Variants in CNOT2 observed in about 807,000 individuals in gnomAD.
CNOT2 encodes CCR4-NOT transcription complex subunit 2.
In CNOT2, 7 loss-of-function variants were observed where a neutral mutation model predicts 72.1. The observed-to-expected ratio is 0.10, with a 90% confidence interval of 0.06 to 0.18. The LOEUF (loss-of-function observed/expected upper bound fraction) is 0.18, where lower values mean the gene tolerates loss of function less well. Among genes scored for constraint, CNOT2 ranks in the 10% least tolerant of loss-of-function variants. CNOT2 has a pLI of 1.00. For synonymous variants in CNOT2, 196 were observed against 225.6 expected, an observed-to-expected ratio of 0.87 and a Z score of 1.17; for missense variants, 345 against 660.3, an observed-to-expected ratio of 0.52 and a Z score of 5.23.
At chr12:70,343,285 G>A (rs1033579185) in intron 13 of CNOT2, among the ~76,000 whole-genome samples, 1 of 152,192 alleles carries the variant, frequency 6.6e-6, no homozygotes, top group African/African-American at 2.4e-5. Context: ...ATTACATTCA[G>A]AGAATGTGTA....
intron 2 of CNOT2, among the ~76,000 whole-genome samples, chr12:70,282,745 T>G (rs981048212): frequency 4.6e-5 from 7 of 152,256 alleles, no homozygotes; most frequent in African/African-American, 1.7e-4. Context: ...TTTCATTCTT[T>G]ATATTTTTAT....
chr12:70,335,381 T>C (rs911607034), intron 7 of CNOT2, 57 bp from the exon 8 acceptor site: 13 of 1,328,350 alleles, frequency 9.8e-6, no homozygotes, highest in Non-Finnish European at 1.3e-5. Flanking sequence ...TTGGTTTTTA[T>C]AATCTCTTAA....
intron 4 of CNOT2, 35 bp from the exon 5 acceptor site, chr12:70,329,388 G>A: frequency 1.3e-6 from 2 of 1,563,948 alleles, no homozygotes; most frequent in South Asian, 1.1e-5. Flanking sequence ...ATTCCTGATG[G>A]CAATGAATTT....
intron 2 of CNOT2, among the ~76,000 whole-genome samples, chr12:70,299,136 G>A (rs74809484): frequency 0.14 from 21,872 of 152,006 alleles, 1,904 homozygotes; most frequent in Admixed American, 0.28. Flanking sequence ...GAGCAGTCAC[G>A]TCTCACATGG....
At chr12:70,280,815 A>C (rs1869684782) in intron 2 of CNOT2, among the ~76,000 whole-genome samples, 1 of 152,154 alleles carries the variant, frequency 6.6e-6, no homozygotes, top group Non-Finnish European at 1.5e-5. Flanking sequence ...CTATAAGTTT[A>C]AGCCCAGTTA....
intron 1 of CNOT2, among the ~76,000 whole-genome samples, chr12:70,273,737 A>C (rs1216959856): frequency 6.6e-6 from 1 of 152,140 alleles, no homozygotes; most frequent in African/African-American, 2.4e-5. Flanking sequence ...GCCACAGTAG[A>C]AGAAAATTTC....
chr12:70,338,844 A>T, intron 11 of CNOT2, 22 bp downstream of exon 11: 1 of 1,602,266 alleles, frequency 6.2e-7, no homozygotes, highest in Non-Finnish European at 8.5e-7. Context: ...CTGTTTTTCC[A>T]TGTCTGTATA....
At chr12:70,287,148 A>G (rs1056338852) in intron 2 of CNOT2, among the ~76,000 whole-genome samples, 45 of 151,278 alleles carry the variant, frequency 3.0e-4, no homozygotes, top group African/African-American at 1.0e-3. Flanking sequence ...AATATTTGAT[A>G]CAGGATTTTT....
chr12:70,306,782 A>C (rs1158144250), intron 2 of CNOT2, among the ~76,000 whole-genome samples: 1 of 152,098 alleles, frequency 6.6e-6, no homozygotes, highest in African/African-American at 2.4e-5. Context: ...AACTACAGCC[A>C]TAGTTTAAAC....
intron 1 of CNOT2, among the ~76,000 whole-genome samples, chr12:70,256,903 A>AT (rs1253014764): frequency 2.0e-5 from 3 of 152,208 alleles, no homozygotes; most frequent in African/African-American, 7.2e-5. Context: ...AGACATGGTA[A>AT]TTTGTAACCT....
intron 2 of CNOT2, among the ~76,000 whole-genome samples, chr12:70,283,625 C>T (rs1392574047): frequency 1.5e-5 from 2 of 137,428 alleles, no homozygotes; most frequent in African/African-American, 2.8e-5. Flanking sequence ...TGAATAAGAG[C>T]GACCTAATGA....
chr12:70,247,799 T>C (rs1957952410), intron 1 of CNOT2, among the ~76,000 whole-genome samples: 1 of 152,232 alleles, frequency 6.6e-6, no homozygotes, highest in South Asian at 2.1e-4. Flanking sequence ...TCTATTAAAC[T>C]GAACTGTTGC....
At chr12:70,338,641 A>C in intron 10 of CNOT2, 25 bp from the exon 11 acceptor site, 1 of 1,598,110 alleles carries the variant, frequency 6.3e-7, no homozygotes, top group Non-Finnish European at 8.5e-7. Context: ...TTGAAAATAA[A>C]AGCAACTGTG....
At position 70,262,035 on chromosome 12, in the gene CNOT2, C is replaced by T. The variant is rs186741095; in HGVS notation, c.-95-16097C>T. Reference sequence around the variant, plus strand: ...TCTTTACGATCCTTGTTATGCCTACCCTACAAAGTTGTAGTAATGTACTGT... The same window carrying T: ...TCTTTACGATCCTTGTTATGCCTACTCTACAAAGTTGTAGTAATGTACTGT... On this transcript the variant is annotated intron_variant, in intron 1 of 15. Transcript: ENST00000229195. Among the ~76,000 whole-genome samples the T allele has an allele frequency of 4.6e-5, 7 of 152,030 alleles. No individual in the cohort carries two copies. In the East Asian group the frequency reaches 1.3e-3, roughly 29 times the overall value.
chr12:70,261,965 C>T (rs1303166822), intron 1 of CNOT2, among the ~76,000 whole-genome samples: 2 of 151,646 alleles, frequency 1.3e-5, no homozygotes, highest in Non-Finnish European at 2.9e-5. Context: ...GAATTTGTCC[C>T]TTCCCTTTAG....
intron 1 of CNOT2, among the ~76,000 whole-genome samples, chr12:70,256,763 G>C (rs933508839): frequency 6.6e-6 from 1 of 151,678 alleles, no homozygotes; most frequent in Non-Finnish European, 1.5e-5. Context: ...ACAGTCTCTC[G>C]TTTTTCTCTC....
chr12:70,336,046 A>G (rs1462843218), intron 8 of CNOT2: 1 of 154,186 alleles, frequency 6.5e-6, no homozygotes, highest in African/African-American at 2.4e-5. Flanking sequence ...GTGGGGGGCT[A>G]TTGTGTTTAT....
intron 14 of CNOT2, chr12:70,344,838 G>GT (rs1158966179): frequency 2.0e-5 from 3 of 152,132 alleles, no homozygotes; most frequent in African/African-American, 7.2e-5. Context: ...TCATGACTAT[G>GT]TTTTTTATTC....
At chr12:70,314,564 G>C (rs574617498) in intron 3 of CNOT2, among the ~76,000 whole-genome samples, 1 of 152,100 alleles carries the variant, frequency 6.6e-6, no homozygotes, top group Non-Finnish European at 1.5e-5. Context: ...TACTTCAGCT[G>C]TAACCTGACA....
Sources: gnomAD v4.1 joint callset for allele counts (sites outside exome capture counted in the v4.1 genomes callset) on GRCh38, gnomAD v4.1.1 for gene constraint, MANE v1.5 for transcripts, NCBI Gene and HGNC (gene_info 2026-07-23, HGNC 2026-07-21) for gene names.